The following BIRC6 variants were observed in gnomAD, a reference collection of about 807,000 sequenced individuals.
BIRC6 encodes dual E2 ubiquitin-conjugating enzyme/E3 ubiquitin-protein ligase BIRC6.
Under a neutral mutation model 503.3 loss-of-function variants are expected in BIRC6, and 98 were observed. The observed-to-expected ratio is 0.19, with a 90% confidence interval of 0.17 to 0.23. BIRC6 has a LOEUF of 0.23. BIRC6 is among the 10% of genes least tolerant of loss of function. BIRC6 has a pLI of 1.00. For synonymous variants in BIRC6, 2,240 were observed against 2,078.7 expected (o/e 1.08, Z -2.11); for missense variants, 5,360 against 5,806.0 (o/e 0.92, Z 2.50).
chr2:32,399,740 T>A (rs1198717266), intron 6 of BIRC6, among the ~76,000 whole-genome samples: 1 of 152,146 alleles, frequency 6.6e-6, no homozygotes, highest in Non-Finnish European at 1.5e-5. Context: ...TATACCAGTC[T>A]TGATATGAGG....
At chr2:32,539,600 A>G (rs760875517) in intron 61 of BIRC6, among the ~76,000 whole-genome samples, 31 of 151,738 alleles carry the variant, frequency 2.0e-4, no homozygotes, top group Admixed American at 1.3e-3. Flanking sequence ...AAGAAATCAC[A>G]ATAGATACTA....
intron 10 of BIRC6, among the ~76,000 whole-genome samples, chr2:32,423,225 C>A (rs934163635): frequency 6.6e-6 from 1 of 152,172 alleles, no homozygotes. Context: ...CCACTGTTCC[C>A]GGCCTGAGAC....
intron 34 of BIRC6, among the ~76,000 whole-genome samples, chr2:32,476,917 T>C (rs1330093710): frequency 6.6e-6 from 1 of 152,182 alleles, no homozygotes; most frequent in Non-Finnish European, 1.5e-5. Flanking sequence ...GGATACCGTG[T>C]ATGTATCAAA....
chr2:32,606,763 T>C (rs2062485358), intron 71 of BIRC6, among the ~76,000 whole-genome samples: 1 of 152,010 alleles, frequency 6.6e-6, no homozygotes, highest in Non-Finnish European at 1.5e-5. Context: ...CCCAGCACTT[T>C]GGGAGGCCGA....
chr2:32,508,036 T>C lies in BIRC6; in HGVS notation c.9757T>C (p.Leu3253=). 1.9e-6 allele frequency: 3 copies of C among 1,613,926 alleles called. No individual in the cohort carries two copies. The highest frequency in any genetic ancestry group is 1.1e-5 in the South Asian group (1 of 91,076). ...VSADGVNMLP[L]STPVVTSGLT... is the part of the protein sequence containing the mutation. Reference sequence around the variant, plus strand: ...TGCAGATGGGGTAAATATGCTACCTTTGTCCACTCCTGTTGTCACAAGTGG... The same window carrying C: ...TGCAGATGGGGTAAATATGCTACCTCTGTCCACTCCTGTTGTCACAAGTGG... Residue 3253 remains leucine, a synonymous_variant, in exon 51 of 74, where the codon TTG becomes CTG. Coordinates refer to ENST00000421745, the MANE Select transcript of BIRC6 (RefSeq NM_016252.4).
chr2:32,445,813 A>G lies in BIRC6; in HGVS notation c.4484+145A>G, dbSNP rs1193220660. 1.5e-5 allele frequency: 8 copies of G among 531,448 alleles called. No homozygotes were observed. In the Middle Eastern group the frequency reaches 1.5e-3, roughly 97 times the overall value. The allele number at this position is 531,448 out of a possible 1,614,324, so 32.9% of individuals were successfully genotyped here. On this transcript the variant is annotated intron_variant, in intron 21 of 73. Transcript: ENST00000421745. ...GTTTATACCTTACTTTTTCCATACG[A>G]TAATAGCCTGAGGTTTTACTTTCTT...
At position 32,388,860 on chromosome 2, in the gene BIRC6, G is replaced by A. The variant is rs750051821; in HGVS notation, c.756G>A (p.Ala252=). 56 of 1,613,212 alleles carry A rather than the reference G, an allele frequency of 3.5e-5. No homozygotes were observed. The highest frequency in any genetic ancestry group is 8.9e-5 in the East Asian group (4 of 44,830). Residue 252 remains alanine, a synonymous_variant, in exon 4 of 74, where the codon GCG becomes GCA. Coordinates refer to ENST00000421745, the MANE Select transcript of BIRC6 (RefSeq NM_016252.4). ...AAAATGTTGCTGCCTTACCTGTGGC[G>A]TCCTCAGTGATGGACAGATTGTCTT... is the stretch of plus-strand genomic sequence containing the variant. ...INQNVAALPV[A]SSVMDRLSYL...
At position 32,429,049 on chromosome 2, in the gene BIRC6, A is replaced by G. The variant is rs144797097; in HGVS notation, c.2873-97A>G. On this transcript the variant is annotated intron_variant, in intron 10 of 73. Transcript: ENST00000421745. ...CATTGGTAGCTTTCCTTATCTGCCT[A>G]TGAAGTGACATTCAGTTGTTTCCTA... 2,639 of 1,046,970 alleles carry G rather than the reference A, an allele frequency of 2.5e-3. 20 individuals are homozygous for G. In the African/African-American group the frequency reaches 0.029, roughly 11 times the overall value. The allele number at this position is 1,046,970 out of a possible 1,614,324, so 64.9% of individuals were successfully genotyped here.
chr2:32,450,430 C>G (rs903416088), intron 22 of BIRC6, among the ~76,000 whole-genome samples: 2 of 152,016 alleles, frequency 1.3e-5, no homozygotes, highest in East Asian at 3.9e-4. Context: ...TCACTGCACT[C>G]CAGCCCGGGC....
chr2:32,374,279 A>G (rs1451917143), intron 1 of BIRC6, among the ~76,000 whole-genome samples: 1 of 152,016 alleles, frequency 6.6e-6, no homozygotes, highest in African/African-American at 2.4e-5. Flanking sequence ...CCATTGAGCT[A>G]TATGTCTGTC....
chr2:32,454,120 A>G (rs1005414882), intron 23 of BIRC6, among the ~76,000 whole-genome samples, 178 bp downstream of exon 23: 2 of 152,212 alleles, frequency 1.3e-5, no homozygotes, highest in Non-Finnish European at 2.9e-5. Flanking sequence ...TCCTAAGTCA[A>G]TTCACAGGGT....
chr2:32,572,279 T>C (rs2059965254), intron 65 of BIRC6, among the ~76,000 whole-genome samples: 1 of 152,226 alleles, frequency 6.6e-6, no homozygotes, highest in Non-Finnish European at 1.5e-5. Context: ...TCTTTGTTAA[T>C]TTTCTGTCTC....
At chr2:32,617,169 C>G (rs1030206448) in intron 73 of BIRC6, among the ~76,000 whole-genome samples, 1 of 152,084 alleles carries the variant, frequency 6.6e-6, no homozygotes, top group Non-Finnish European at 1.5e-5. Context: ...TTTGGGAGGC[C>G]GAGGCAGGTG....
chr2:32,449,805 A>T (rs192799563), intron 22 of BIRC6, among the ~76,000 whole-genome samples: 12 of 152,302 alleles, frequency 7.9e-5, no homozygotes, highest in East Asian at 7.7e-4. Flanking sequence ...CTTGTTTGCA[A>T]CCTGTATTCG....
At chr2:32,363,822 T>C (rs1354454029) in intron 1 of BIRC6, among the ~76,000 whole-genome samples, 11 of 152,152 alleles carry the variant, frequency 7.2e-5, no homozygotes, top group Non-Finnish European at 1.0e-4. Context: ...AAATGTAAAA[T>C]AGGGGATGCT....
At chr2:32,412,751 A>G (rs1487690944) in intron 9 of BIRC6, among the ~76,000 whole-genome samples, 1 of 152,096 alleles carries the variant, frequency 6.6e-6, no homozygotes, top group Admixed American at 6.5e-5. Context: ...AATGGTGCTT[A>G]TAACTCCTTC....
intron 45 of BIRC6, among the ~76,000 whole-genome samples, chr2:32,495,790 G>GTTTTTT (rs11464835): frequency 4.7e-5 from 4 of 84,806 alleles, no homozygotes; most frequent in African/African-American, 9.6e-5. Flanking sequence ...TCAGGATGAA[G>GTTTTTT]TTTTTTTTTT....
intron 65 of BIRC6, among the ~76,000 whole-genome samples, chr2:32,552,671 G>A (rs1340469270): frequency 6.6e-6 from 1 of 152,088 alleles, no homozygotes; most frequent in East Asian, 1.9e-4. Flanking sequence ...TAATCATTAA[G>A]TATATTGTAT....
intron 22 of BIRC6, among the ~76,000 whole-genome samples, chr2:32,451,772 GT>G (rs34440652): frequency 6.6e-6 from 1 of 152,134 alleles, no homozygotes; most frequent in South Asian, 2.1e-4. Flanking sequence ...TTTGACAGTT[GT>G]TTTTTGAAAA....
Sources: allele counts gnomAD v4.1 joint callset (sites outside exome capture counted in the v4.1 genomes callset), GRCh38; gene constraint gnomAD v4.1.1; transcripts MANE v1.5; gene names NCBI Gene and HGNC (gene_info 2026-07-23, HGNC 2026-07-21).